MKLN1: variants seen among roughly 807,000 people sequenced by gnomAD.
The protein encoded by MKLN1 is muskelin 1.
Under a neutral mutation model 99.0 loss-of-function variants are expected in MKLN1, and 18 were observed. The observed-to-expected ratio is 0.18, with a 90% confidence interval of 0.13 to 0.27. The LOEUF is 0.27. Ranked by LOEUF, MKLN1 falls within the 10% of genes least tolerant of loss-of-function variation. The pLI, the probability that MKLN1 is intolerant of heterozygous loss-of-function variation, is 1.00. For synonymous variants in MKLN1, 288 were observed against 293.2 expected (o/e 0.98, Z 0.18); for missense variants, 621 against 875.9 (o/e 0.71, Z 3.67).
At chr7:131,368,071 T>C (rs936119193) in intron 1 of MKLN1, among the ~76,000 whole-genome samples, 3 of 152,176 alleles carry the variant, frequency 2.0e-5, no homozygotes, top group Non-Finnish European at 4.4e-5. Context: ...GAATATGTTT[T>C]ATAGAATACT....
intron 14 of MKLN1, among the ~76,000 whole-genome samples, 178 bp from the exon 15 acceptor site, chr7:131,466,098 G>T (rs1016867089): frequency 1.3e-5 from 2 of 152,118 alleles, no homozygotes; most frequent in African/African-American, 2.4e-5. Context: ...AGTAGCCATG[G>T]TGCTTTAAAG....
intron 2 of MKLN1, among the ~76,000 whole-genome samples, chr7:131,168,970 C>A (rs572588506): frequency 3.3e-5 from 5 of 151,846 alleles, no homozygotes; most frequent in African/African-American, 9.7e-5. Context: ...TGGGTTCAAG[C>A]AATTCGTGTG....
intron 3 of MKLN1, among the ~76,000 whole-genome samples, chr7:131,204,717 G>A (rs920583736): frequency 1.3e-5 from 2 of 152,134 alleles, no homozygotes; most frequent in Non-Finnish European, 2.9e-5. Context: ...TGTAATCCCA[G>A]CACTTTGGGA....
intron 1 of MKLN1, among the ~76,000 whole-genome samples, chr7:131,358,059 C>G (rs181714775): frequency 1.1e-4 from 16 of 152,092 alleles, no homozygotes; most frequent in African/African-American, 3.6e-4. Context: ...GTTTTTTTCC[C>G]CCGCTTATCT....
Position 131,243,036 on chromosome 7 carries a change from A to G in MKLN1, c.-179+40062A>G, listed in dbSNP as rs866761039. 14 of 547,886 alleles carry G rather than the reference A, an allele frequency of 2.6e-5. No individual in the cohort carries two copies. In the Middle Eastern group the frequency reaches 1.8e-3, roughly 71 times the overall value. The allele number at this position is 547,886 out of a possible 1,614,324, so 33.9% of individuals were successfully genotyped here. ...TTTTGGTCATTAAAAATTAAACAGA[A>G]AAAAAAAAGGAAAGTTCACAGATGG... On this transcript the variant is annotated intron_variant, in intron 3 of 7. Transcript: ENST00000416992.
chr7:131,113,555 C>T (rs1439981131), intron 1 of MKLN1, among the ~76,000 whole-genome samples: 3 of 151,566 alleles, frequency 2.0e-5, no homozygotes, highest in African/African-American at 7.3e-5. Context: ...GGTGCAGTGG[C>T]ACACTACTGT....
At chr7:131,151,186 G>A (rs1263231540) in intron 2 of MKLN1, among the ~76,000 whole-genome samples, 6 of 152,296 alleles carry the variant, frequency 3.9e-5, no homozygotes, top group East Asian at 1.9e-4. Flanking sequence ...CTGCATATCC[G>A]AAAATCGGAA....
At chr7:131,165,953 A>G (rs1412187130) in intron 2 of MKLN1, among the ~76,000 whole-genome samples, 1 of 152,166 alleles carries the variant, frequency 6.6e-6, no homozygotes, top group Non-Finnish European at 1.5e-5. Context: ...CATCTCTACA[A>G]AAAATACAAA....
At chr7:131,245,532 G>A (rs374446663) in intron 3 of MKLN1, among the ~76,000 whole-genome samples, 12 of 152,178 alleles carry the variant, frequency 7.9e-5, no homozygotes, top group East Asian at 3.9e-4. Flanking sequence ...CCCCGGCCTC[G>A]GCCTCCCAAA....
At position 131,188,570 on chromosome 7, in the gene MKLN1, C is replaced by T. The variant is rs372259924; in HGVS notation, c.-296-14287C>T. On this transcript the variant is annotated intron_variant, in intron 2 of 7. Coordinates refer to the MKLN1 transcript ENST00000416992. ...GCCCTGGCAGGTTTCAGAGGAGAGCCGAAGCACACACTTGAGGCTTAGGCT... is the reference window on the plus strand; with the variant it reads ...GCCCTGGCAGGTTTCAGAGGAGAGCTGAAGCACACACTTGAGGCTTAGGCT... Among the ~76,000 whole-genome samples the T allele has an allele frequency of 4.1e-4, 63 of 152,278 alleles. 1 individual carries two copies. The South Asian group carries it at 0.012, about 28-fold the overall frequency.
intron 1 of MKLN1, among the ~76,000 whole-genome samples, chr7:131,136,118 G>C (rs1285976806): frequency 6.6e-6 from 1 of 152,104 alleles, no homozygotes; most frequent in African/African-American, 2.4e-5. Context: ...CTTCTCAGAG[G>C]GGGGCCTCAG....
At chr7:131,442,662 A>T (rs977669730) in intron 10 of MKLN1, among the ~76,000 whole-genome samples, 1 of 152,256 alleles carries the variant, frequency 6.6e-6, no homozygotes, top group African/African-American at 2.4e-5. Context: ...TTAGCAAAAC[A>T]TAGATGTTTT....
At chr7:131,225,162 G>A (rs1797128356) in intron 3 of MKLN1, among the ~76,000 whole-genome samples, 1 of 152,052 alleles carries the variant, frequency 6.6e-6, no homozygotes. Context: ...TAGACTGGAT[G>A]GCTCATGAAC....
chr7:131,162,210 G>A (rs1401235727), intron 2 of MKLN1, among the ~76,000 whole-genome samples: 1 of 151,686 alleles, frequency 6.6e-6, no homozygotes, highest in African/African-American at 2.4e-5. Flanking sequence ...GCACCACCAA[G>A]CCCGGCTAAT....
At position 131,493,335 on chromosome 7, in the gene MKLN1, A is replaced by AT. The variant is rs1447023960; in HGVS notation, c.*5608dup. 6.6e-6 allele frequency: 1 copy of AT among 152,216 alleles called. No individual in the cohort carries two copies. The highest frequency in any genetic ancestry group is 1.5e-5 in the Non-Finnish European group (1 of 68,042). 9.4% of individuals were successfully genotyped at this position (152,216 alleles called of 1,614,324 possible). ...CTTCAGGAACGAGCTAGAGAAGACA[A>AT]TGAGGGTATGTTAGAGAAGGAAAAA... On this transcript the variant is annotated 3_prime_UTR_variant, in exon 18 of 18. Transcript: ENST00000352689.
intron 3 of MKLN1, among the ~76,000 whole-genome samples, chr7:131,264,818 A>G (rs1426082373): frequency 6.6e-6 from 1 of 151,904 alleles, no homozygotes; most frequent in Non-Finnish European, 1.5e-5. Flanking sequence ...AGTAAAATAC[A>G]TTTTCTCCAC....
chr7:131,445,655 C>A, intron 11 of MKLN1, 119 bp from the exon 12 acceptor site: 1 of 716,448 alleles, frequency 1.4e-6, no homozygotes, highest in Non-Finnish European at 2.2e-6. Flanking sequence ...CAGCATAGTA[C>A]TCCATTGGGA....
chr7:131,203,428 C>T (rs1045176848), intron 3 of MKLN1, among the ~76,000 whole-genome samples: 1 of 152,092 alleles, frequency 6.6e-6, no homozygotes, highest in Non-Finnish European at 1.5e-5. Flanking sequence ...AGGAAATTTT[C>T]CCTGTGGGCA....
intron 1 of MKLN1, among the ~76,000 whole-genome samples, chr7:131,363,190 C>T (rs1397595769): frequency 6.6e-6 from 1 of 151,688 alleles, no homozygotes; most frequent in Non-Finnish European, 1.5e-5. Flanking sequence ...CTGTGTGGCT[C>T]CAGGCCGCAT....
Sources: allele counts gnomAD v4.1 joint callset (sites outside exome capture counted in the v4.1 genomes callset), GRCh38; gene constraint gnomAD v4.1.1; transcripts MANE v1.5; gene names NCBI Gene and HGNC (gene_info 2026-07-23, HGNC 2026-07-21).